The following DOCK3 variants were observed in gnomAD, a reference collection of about 807,000 sequenced individuals.
The protein encoded by DOCK3 is dedicator of cytokinesis protein 3.
In DOCK3, 60 loss-of-function variants were observed where a neutral mutation model predicts 265.6. The ratio of observed to expected loss-of-function variants is 0.23; its 90% confidence interval spans 0.18 to 0.28. The LOEUF is 0.28. DOCK3 is among the 10% of genes least tolerant of loss of function. The pLI is 1.00. For synonymous variants in DOCK3, 881 were observed against 938.0 expected (o/e 0.94, Z 1.11); for missense variants, 1,981 against 2,594.3 (o/e 0.76, Z 5.14).
At chr3:51,138,649 C>T (rs1343610181) in intron 9 of DOCK3, among the ~76,000 whole-genome samples, 5 of 152,150 alleles carry the variant, frequency 3.3e-5, no homozygotes, top group East Asian at 1.9e-4. Context: ...CCAAATAGTA[C>T]CCTGCTATGG....
chr3:50,806,365 G>C (rs1350575860), intron 2 of DOCK3, among the ~76,000 whole-genome samples: 1 of 152,028 alleles, frequency 6.6e-6, no homozygotes, highest in Non-Finnish European at 1.5e-5. Flanking sequence ...AGGGCGGCCT[G>C]TGGGACTTTT....
intron 1 of DOCK3, among the ~76,000 whole-genome samples, chr3:50,776,947 T>C (rs535701954): frequency 6.6e-6 from 1 of 152,290 alleles, no homozygotes; most frequent in East Asian, 1.9e-4. Flanking sequence ...CTCACAATCA[T>C]AGTGGAAGAT....
chr3:50,983,752 C>G (rs2077789328), intron 5 of DOCK3, among the ~76,000 whole-genome samples: 1 of 152,188 alleles, frequency 6.6e-6, no homozygotes, highest in South Asian at 2.1e-4. Context: ...CCAGGACCCG[C>G]CAAACTGGTG....
At chr3:51,336,312 G>A (rs1182580136) in intron 35 of DOCK3, among the ~76,000 whole-genome samples, 2 of 151,864 alleles carry the variant, frequency 1.3e-5, no homozygotes, top group South Asian at 2.1e-4. Flanking sequence ...TCCCAGGTTA[G>A]GAAGCAGAGC....
intron 13 of DOCK3, among the ~76,000 whole-genome samples, chr3:51,211,366 T>TA (rs908819610): frequency 3.3e-5 from 5 of 152,130 alleles, no homozygotes; most frequent in African/African-American, 9.7e-5. Flanking sequence ...TTCTTTTTTT[T>TA]AATTTTTTTT....
intron 4 of DOCK3, among the ~76,000 whole-genome samples, chr3:50,909,182 G>A (rs2107901214): frequency 6.6e-6 from 1 of 152,108 alleles, no homozygotes; most frequent in Middle Eastern, 3.4e-3. Context: ...GCCATTCTGT[G>A]TCTTTTAATT....
rs1257863969 is a variant in DOCK3 at position 51,381,758 on chromosome 3, T to C, written c.*199T>C. The C allele has an allele frequency of 8.6e-6, 5 of 578,306 alleles. No homozygotes were observed. The highest frequency in any genetic ancestry group is 1.4e-5 in the Non-Finnish European group (5 of 368,446). The allele number at this position is 578,306 out of a possible 1,614,324, so 35.8% of individuals were successfully genotyped here. A position where few individuals can be genotyped will look rare whatever the true frequency, so the allele number is the denominator to read the frequency against. On this transcript the variant is annotated 3_prime_UTR_variant, in exon 53 of 53. Coordinates refer to ENST00000266037, the MANE Select transcript of DOCK3 (RefSeq NM_004947.5). This position sits in a 1 kb window ranked among gnomAD's most constrained non-coding sequence, Gnocchi z 5.6. ...GAGGCCACAGCAGCATGAAGGGTTG[T>C]GGCTTCCCTTTTTATTTTTTTACAT...
intron 9 of DOCK3, among the ~76,000 whole-genome samples, chr3:51,110,014 C>A (rs916500751): frequency 6.6e-6 from 1 of 151,832 alleles, no homozygotes; most frequent in South Asian, 2.1e-4. Context: ...AGGTAACAAC[C>A]AGAGAGTATT....
chr3:51,203,204 A>G (rs1041432875), intron 12 of DOCK3, among the ~76,000 whole-genome samples: 7 of 152,116 alleles, frequency 4.6e-5, no homozygotes, highest in African/African-American at 1.2e-4. Flanking sequence ...AGGGTATTCA[A>G]TTAGGAAAAG....
At chr3:51,052,080 A>G (rs960018174) in intron 5 of DOCK3, among the ~76,000 whole-genome samples, 6 of 152,312 alleles carry the variant, frequency 3.9e-5, no homozygotes, top group African/African-American at 1.2e-4. Context: ...CATTGTCTCT[A>G]TGTTAAAGAA....
At chr3:51,305,834 CTTT>C (rs761039681) in intron 27 of DOCK3, among the ~76,000 whole-genome samples, 4 of 50,554 alleles carry the variant, frequency 7.9e-5, no homozygotes, top group African/African-American at 3.5e-4. Context: ...ATTTCTTCTT[CTTT>C]TTTTTTTTTT....
In DOCK3 at chr3:51,108,249, A is replaced by C. The variant is rs552232260; in HGVS notation, c.746+17865A>C. 4.6e-5 allele frequency among the ~76,000 whole-genome samples: 7 copies of C among 152,230 alleles called. 2 individuals are homozygous for C. Among genetic ancestry groups the C allele is most frequent in the African/African-American group, 1.7e-4 (7 of 41,548 alleles). On this transcript the variant is annotated intron_variant, in intron 9 of 52. Coordinates refer to ENST00000266037, the MANE Select transcript of DOCK3 (RefSeq NM_004947.5). The stretch of plus-strand genomic sequence containing the variant: ...CCATGCTGGTATCATCATTCTTAAA[A>C]AAAGGAAATCTCAGCAAAGAATTTC...
chr3:51,202,446 C>T (rs2088851063), intron 12 of DOCK3, among the ~76,000 whole-genome samples: 1 of 151,924 alleles, frequency 6.6e-6, no homozygotes, highest in South Asian at 2.1e-4. Flanking sequence ...TCAACATATA[C>T]ACCCTCCCAA....
rs534354244 is a variant in DOCK3, at chr3:51,086,705, G to T, written c.550-2538G>T. ...CCCAGCTACTCAGGAGGCTGAGGCAGGAGAATCACCTGAACCCAGGAGGTG... is the reference window on the plus strand; with the variant it reads ...CCCAGCTACTCAGGAGGCTGAGGCATGAGAATCACCTGAACCCAGGAGGTG... On this transcript the variant is annotated intron_variant, in intron 7 of 52. Coordinates refer to ENST00000266037, the MANE Select transcript of DOCK3 (RefSeq NM_004947.5). Among the ~76,000 whole-genome samples the T allele has an allele frequency of 1.7e-4, 26 of 152,290 alleles. 1 individual carries two copies. In the South Asian group the frequency reaches 5.2e-3, roughly 30 times the overall value.
chr3:51,295,865 G>A (rs954843817), intron 27 of DOCK3, among the ~76,000 whole-genome samples: 3 of 152,086 alleles, frequency 2.0e-5, no homozygotes, highest in African/African-American at 7.2e-5. Context: ...TTTTTAGGAG[G>A]TGAGGTATTC....
chr3:50,913,544 C>A (rs568335025), intron 4 of DOCK3, among the ~76,000 whole-genome samples: 2 of 151,972 alleles, frequency 1.3e-5, no homozygotes, highest in South Asian at 4.1e-4. Context: ...AGTACTTGTG[C>A]CCTGGACTGC....
chr3:50,737,689 A>G (rs1397602514), intron 1 of DOCK3, among the ~76,000 whole-genome samples: 1 of 151,926 alleles, frequency 6.6e-6, no homozygotes, highest in East Asian at 1.9e-4. Context: ...TGTTCTGCTG[A>G]TTGAGTGTGC....
intron 1 of DOCK3, among the ~76,000 whole-genome samples, chr3:50,750,660 G>A (rs2039742470): frequency 6.6e-6 from 1 of 152,094 alleles, no homozygotes; most frequent in South Asian, 2.1e-4. Flanking sequence ...TGCTTCACTT[G>A]CTTTGCATGA....
intron 4 of DOCK3, among the ~76,000 whole-genome samples, chr3:50,920,258 CT>C: frequency 6.6e-6 from 1 of 152,240 alleles, no homozygotes; most frequent in South Asian, 2.1e-4. Flanking sequence ...TGATGCTGGC[CT>C]CATAAAATGA....
Sources: allele counts gnomAD v4.1 joint callset (sites outside exome capture counted in the v4.1 genomes callset), GRCh38; gene constraint gnomAD v4.1.1; non-coding constraint Gnocchi (gnomAD v3.1); transcripts MANE v1.5; gene names NCBI Gene and HGNC (gene_info 2026-07-23, HGNC 2026-07-21).